Variants in RFX3 observed in about 807,000 individuals in gnomAD.
The protein encoded by RFX3 is transcription factor RFX3.
A neutral mutation model predicts 98.6 loss-of-function variants in RFX3; 14 were observed. The ratio of observed to expected loss-of-function variants is 0.14; its 90% confidence interval spans 0.09 to 0.22. The LOEUF (loss-of-function observed/expected upper bound fraction) is 0.22. RFX3 is among the 10% of genes least tolerant of loss of function. The probability of loss-of-function intolerance (pLI) is 1.00; values close to 1 mark genes in which losing one functional copy is unlikely to be tolerated. For missense variants in RFX3, 639 were observed against 926.9 expected (o/e 0.69, Z 4.03); for synonymous variants, 383 against 328.4 (o/e 1.17, Z -1.80).
intron 1 of RFX3, among the ~76,000 whole-genome samples, chr9:3,482,998 T>C (rs1237221747): frequency 6.6e-6 from 1 of 152,258 alleles, no homozygotes; most frequent in South Asian, 2.1e-4. Context: ...AGTTTAGCCA[T>C]TGTACCAAGA....
chr9:3,386,521 C>T (rs904400496), intron 2 of RFX3, among the ~76,000 whole-genome samples: 2 of 152,054 alleles, frequency 1.3e-5, no homozygotes, highest in Middle Eastern at 6.8e-3. Context: ...AGGACTAGAG[C>T]CAGGATTTGA....
At position 3,277,459 on chromosome 9, in the gene RFX3, T is replaced by C; in HGVS notation, c.854A>G (p.Tyr285Cys). 1 of 1,611,148 alleles carries C rather than the reference T, an allele frequency of 6.2e-7. No individual in the cohort carries two copies. ...CCCATCCACTTTCTGCATAGGCTTG[T>C]ACCTAAAAATATTAGATGGAAAAAA... ...RQQPMQQKQR[Y>C]KPMQKVDGVA... The change falls in exon 8 of 17, where the codon TAC becomes TGC. Residue 285 changes from tyrosine to cysteine, a missense_variant and splice_region_variant. By Grantham distance (194) the Tyr-to-Cys change is radical. This residue lies in a region of RFX3 where 86 missense variants were observed against 113.2 expected (regional missense o/e 0.76). Transcript: ENST00000617270.
intron 1 of RFX3, among the ~76,000 whole-genome samples, chr9:3,413,797 C>A (rs147072480): frequency 6.6e-6 from 1 of 151,922 alleles, no homozygotes; most frequent in Non-Finnish European, 1.5e-5. Context: ...AGTGAAAAAC[C>A]CTTTATGCTT....
intron 5 of RFX3, among the ~76,000 whole-genome samples, chr9:3,299,450 T>C (rs1356919383): frequency 1.3e-5 from 2 of 151,732 alleles, no homozygotes; most frequent in African/African-American, 2.4e-5. Flanking sequence ...TAGAATCATT[T>C]TTGTTTCTAA....
intron 1 of RFX3, among the ~76,000 whole-genome samples, chr9:3,398,398 AT>A (rs1215724489): frequency 6.6e-6 from 1 of 152,130 alleles, no homozygotes; most frequent in Non-Finnish European, 1.5e-5. Flanking sequence ...TTTATTACAC[AT>A]TTATATGCCA....
intron 2 of RFX3, among the ~76,000 whole-genome samples, chr9:3,393,469 C>T (rs1840532783): frequency 6.6e-6 from 1 of 152,128 alleles, no homozygotes; most frequent in Non-Finnish European, 1.5e-5. Flanking sequence ...GTGATAGGCA[C>T]TCTCTCAAAA....
At chr9:3,467,030 AT>A (rs1848288258) in intron 1 of RFX3, among the ~76,000 whole-genome samples, 1 of 88,874 alleles carries the variant, frequency 1.1e-5, no homozygotes, top group African/African-American at 1.2e-4. Flanking sequence ...CTAAAGAATT[AT>A]ATATATATAT....
At chr9:3,228,232 C>G (rs942817724) in intron 16 of RFX3, among the ~76,000 whole-genome samples, 39 of 152,164 alleles carry the variant, frequency 2.6e-4, no homozygotes, top group Non-Finnish European at 7.4e-5. Flanking sequence ...TCTATCTCCC[C>G]CTAAGTCCAC....
chr9:3,509,745 TATAG>T (rs1210517367), intron 1 of RFX3, among the ~76,000 whole-genome samples: 1 of 151,992 alleles, frequency 6.6e-6, no homozygotes, highest in South Asian at 2.1e-4. Flanking sequence ...AGTTCAAAAT[TATAG>T]ATAAACAGTT....
chr9:3,442,269 G>A (rs1157106013), intron 1 of RFX3, among the ~76,000 whole-genome samples: 5 of 151,966 alleles, frequency 3.3e-5, no homozygotes, highest in African/African-American at 1.2e-4. Context: ...AGGTAATCAA[G>A]GTTAAGCAAC....
chr9:3,435,300 T>C (rs1225582719), intron 1 of RFX3, among the ~76,000 whole-genome samples: 1 of 152,120 alleles, frequency 6.6e-6, no homozygotes, highest in Non-Finnish European at 1.5e-5. Flanking sequence ...ACTCTTGTGA[T>C]AACACAGCTT....
intron 1 of RFX3, chr9:3,524,554 ATTAAAAAAAAAAAAACTC>A: frequency 2.1e-6 from 2 of 952,802 alleles, no homozygotes; most frequent in Non-Finnish European, 2.5e-6. Flanking sequence ...AAATGAGGAG[ATTAAAAAAAAAAAAACTC>A]TTAAAGTACC....
intron 1 of RFX3, among the ~76,000 whole-genome samples, chr9:3,445,633 A>T (rs1845980766): frequency 6.6e-6 from 1 of 152,090 alleles, no homozygotes; most frequent in Non-Finnish European, 1.5e-5. Flanking sequence ...TTTATTTTTT[A>T]AAAATACAAA....
At chr9:3,293,470 A>T (rs1225025849) in intron 5 of RFX3, among the ~76,000 whole-genome samples, 1 of 152,194 alleles carries the variant, frequency 6.6e-6, no homozygotes, top group East Asian at 1.9e-4. Context: ...ATCTCAGACA[A>T]TATCCATTTC....
At chr9:3,250,772 G>A (rs957955837) in intron 14 of RFX3, among the ~76,000 whole-genome samples, 1 of 151,730 alleles carries the variant, frequency 6.6e-6, no homozygotes, top group Non-Finnish European at 1.5e-5. Context: ...AAAAAATGAA[G>A]TAGACATAAG....
chr9:3,457,941 C>T (rs192080998), intron 1 of RFX3, among the ~76,000 whole-genome samples: 38 of 152,086 alleles, frequency 2.5e-4, no homozygotes, highest in African/African-American at 8.9e-4. Context: ...AAAATAAGTG[C>T]TGTGTGAGCA....
At chr9:3,250,719 C>G (rs767430431) in intron 14 of RFX3, among the ~76,000 whole-genome samples, 1 of 151,738 alleles carries the variant, frequency 6.6e-6, no homozygotes, top group Non-Finnish European at 1.5e-5. Flanking sequence ...GCTGATTAAA[C>G]AAGTTATGGC....
chr9:3,471,448 T>G (rs767173241), intron 1 of RFX3, among the ~76,000 whole-genome samples: 1 of 152,234 alleles, frequency 6.6e-6, no homozygotes, highest in African/African-American at 2.4e-5. Flanking sequence ...TGTCACTATA[T>G]CTGACTGTCA....
intron 2 of RFX3, among the ~76,000 whole-genome samples, chr9:3,380,298 C>A (rs1237742768): frequency 1.3e-5 from 2 of 152,208 alleles, no homozygotes; most frequent in Non-Finnish European, 2.9e-5. Flanking sequence ...GTACCACCCT[C>A]TCTAGAAAGT....
Sources: allele counts gnomAD v4.1 joint callset (sites outside exome capture counted in the v4.1 genomes callset), GRCh38; gene constraint gnomAD v4.1.1; regional missense constraint gnomAD v4.1.1; transcripts MANE v1.5; gene names NCBI Gene and HGNC (gene_info 2026-07-23, HGNC 2026-07-21).